The following GRHL1 variants were observed in gnomAD, a reference collection of about 807,000 sequenced individuals.
GRHL1 encodes grainyhead-like protein 1 homolog.
GRHL1 carries 38 observed loss-of-function variants against 75.7 expected under a neutral mutation model. That is an observed-to-expected ratio of 0.50 (90% CI 0.39 to 0.66). GRHL1 has a LOEUF of 0.66. Among genes scored for constraint, GRHL1 ranks in the 30% least tolerant of loss-of-function variants. The pLI is 0.00. For missense variants in GRHL1, 589 were observed against 767.5 expected (o/e 0.77, Z 2.75); for synonymous variants, 266 against 279.4 (o/e 0.95, Z 0.48).
At chr2:9,976,701 G>T (rs1397365325) in intron 8 of GRHL1, among the ~76,000 whole-genome samples, 1 of 152,190 alleles carries the variant, frequency 6.6e-6, no homozygotes, top group Non-Finnish European at 1.5e-5. Flanking sequence ...GGCCACATGA[G>T]GTCTTGGGGT....
intron 8 of GRHL1, 37 bp downstream of exon 8, chr2:9,965,418 T>C (rs529271384): frequency 2.7e-5 from 29 of 1,076,348 alleles, no homozygotes; most frequent in Non-Finnish European, 3.6e-5. Context: ...TGTCCAGCCA[T>C]TTGAGAAATG....
chr2:9,970,953 T>C (rs1163615453), intron 8 of GRHL1, among the ~76,000 whole-genome samples: 12 of 152,168 alleles, frequency 7.9e-5, no homozygotes, highest in Admixed American at 7.9e-4. Context: ...GGTATCTCTC[T>C]GTTTTGTCTC....
At chr2:9,997,921 A>G (rs569489545) in intron 14 of GRHL1, among the ~76,000 whole-genome samples, 6 of 152,182 alleles carry the variant, frequency 3.9e-5, no homozygotes, top group Non-Finnish European at 8.8e-5. Context: ...GGGCCAGCAT[A>G]ACTGTTCATG....
intron 3 of GRHL1, chr2:9,959,536 G>A (rs1234678834): frequency 6.6e-6 from 1 of 152,136 alleles, no homozygotes; most frequent in Non-Finnish European, 1.5e-5. Flanking sequence ...CTTCTACTTA[G>A]TTTGTTTCAT....
Position 9,968,399 on chromosome 2 carries a change from G to T in GRHL1, c.1110+3018G>T, listed in dbSNP as rs1667575787. On this transcript the variant is annotated intron_variant, in intron 8 of 15. Transcript: ENST00000324907. The surrounding 1 kb of genome is among the most constrained non-coding windows in gnomAD (Gnocchi z 4.7). ...AGGCCCTTAGTGGGATTTGTCTGCT[G>T]TGTAGACGTATTTCATTCCTTTTAT... Among the ~76,000 whole-genome samples the T allele has an allele frequency of 6.6e-6, 1 of 152,212 alleles. No homozygotes were observed. The highest frequency in any genetic ancestry group is 1.5e-5 in the Non-Finnish European group (1 of 68,034).
chr2:9,960,832 C>T (rs1667239145), intron 3 of GRHL1: 2 of 516,466 alleles, frequency 3.9e-6, no homozygotes, highest in Non-Finnish European at 6.8e-6. Context: ...CTTAGTATTT[C>T]GAATGAAATT....
At position 9,992,070 on chromosome 2, in the gene GRHL1, C is replaced by T. The variant is rs150275190; in HGVS notation, c.1385C>T (p.Pro462Leu). Residue 462 changes from proline (P) to leucine (L), a missense_variant, in exon 11 of 16, where the codon CCC becomes CTC. Pro to Leu is a moderately conservative substitution (Grantham distance 98, BLOSUM62 -3). Around this residue, in one of 5 missense-constraint regions of GRHL1, gnomAD observed 192 missense variants for 226.6 expected, o/e 0.85. Coordinates refer to ENST00000324907, the MANE Select transcript of GRHL1 (RefSeq NM_198182.3). This position sits in a 1 kb window ranked among gnomAD's most constrained non-coding sequence, Gnocchi z 4.6. ...CGAATGGATATCACAGTTTTCAAAC[C>T]CTTCATTGATCTCGATACTCAGCCT... ...HKRMDITVFK[P>L]FIDLDTQPVL... 3.1e-6 allele frequency: 5 copies of T among 1,613,302 alleles called. No individual in the cohort carries two copies. Among genetic ancestry groups the T allele is most frequent in the East Asian group, 4.5e-5 (2 of 44,886 alleles).
intron 8 of GRHL1, among the ~76,000 whole-genome samples, chr2:9,979,151 CAAA>C (rs1227015836): frequency 2.0e-4 from 12 of 60,368 alleles, no homozygotes; most frequent in East Asian, 5.4e-4. Context: ...GACTCTCTCT[CAAA>C]AAAAAAAAAA....
intron 10 of GRHL1, among the ~76,000 whole-genome samples, chr2:9,991,113 G>A (rs1375423515): frequency 6.6e-6 from 1 of 152,158 alleles, no homozygotes; most frequent in Non-Finnish European, 1.5e-5. Context: ...ATGGTCTTGA[G>A]AATTCAAGAT....
intron 1 of GRHL1, among the ~76,000 whole-genome samples, chr2:9,952,093 G>A (rs1270689293): frequency 1.4e-5 from 2 of 140,880 alleles, no homozygotes; most frequent in East Asian, 2.0e-4. Context: ...ACACCGGAGG[G>A]GCCACCCTCC....
intron 8 of GRHL1, among the ~76,000 whole-genome samples, chr2:9,976,722 C>G (rs1667962283): frequency 6.6e-6 from 1 of 152,126 alleles, no homozygotes; most frequent in Non-Finnish European, 1.5e-5. Context: ...GCTGGGTGAT[C>G]AGACGTTTTG....
At chr2:9,998,493 TATATATACATATATATAC>T (rs1558319716) in intron 14 of GRHL1, among the ~76,000 whole-genome samples, 498 of 21,658 alleles carry the variant, frequency 0.023, 171 homozygotes, top group Admixed American at 0.03. Flanking sequence ...TATATATACG[TATATATACATATATATAC>T]GTATATATAT....
rs984618136 is a variant in GRHL1, at chr2:9,992,951, A to C, written c.1462-256A>C. On this transcript the variant is annotated intron_variant, in intron 11 of 15. Coordinates refer to ENST00000324907, the MANE Select transcript of GRHL1 (RefSeq NM_198182.3). This position sits in a 1 kb window ranked among gnomAD's most constrained non-coding sequence, Gnocchi z 4.6. ...AACTAGTGCACACATGGCCATAAGC[A>C]GCATGTGAATGAATGAGCGTGGCTT... Among the ~76,000 whole-genome samples, 4 of 152,254 alleles carry C rather than the reference A, an allele frequency of 2.6e-5. No individual in the cohort carries two copies. The highest frequency in any genetic ancestry group is 5.9e-5 in the Non-Finnish European group (4 of 68,050).
intron 9 of GRHL1, 128 bp downstream of exon 9, chr2:9,986,410 T>TTTTA (rs973273667): frequency 1.3e-4 from 57 of 452,718 alleles, no homozygotes; most frequent in Admixed American, 3.9e-4. Context: ...TTAAAATTAT[T>TTTTA]TTTATTTATT....
intron 8 of GRHL1, 32 bp downstream of exon 8, chr2:9,965,413 A>G: frequency 8.6e-7 from 1 of 1,158,164 alleles, no homozygotes; most frequent in Non-Finnish European, 1.3e-6. Flanking sequence ...CCTTATGTCC[A>G]GCCATTTGAG....
chr2:9,964,965 C>T, intron 7 of GRHL1: 1 of 252,052 alleles, frequency 4.0e-6, no homozygotes, highest in Non-Finnish European at 7.5e-6. Context: ...GTTTCCTTTT[C>T]AGGAGAATGA....
At chr2:9,971,784 C>G (rs1667736438) in intron 8 of GRHL1, among the ~76,000 whole-genome samples, 1 of 152,108 alleles carries the variant, frequency 6.6e-6, no homozygotes, top group Non-Finnish European at 1.5e-5. Flanking sequence ...GTAGAGAATG[C>G]CTTTAATTAG....
chr2:9,997,563 T>C (rs1213428197), intron 14 of GRHL1, among the ~76,000 whole-genome samples: 1 of 152,154 alleles, frequency 6.6e-6, no homozygotes, highest in Non-Finnish European at 1.5e-5. Flanking sequence ...GGCTCACACC[T>C]GTAATCCCAG....
intron 14 of GRHL1, among the ~76,000 whole-genome samples, chr2:9,997,524 A>C (rs1668919724): frequency 1.3e-5 from 2 of 152,042 alleles, no homozygotes; most frequent in Admixed American, 6.6e-5. Context: ...ATCATGTCTT[A>C]AGAATCATGC....
Sources: gnomAD v4.1 joint callset for allele counts (sites outside exome capture counted in the v4.1 genomes callset) on GRCh38, gnomAD v4.1.1 for gene constraint, gnomAD v4.1.1 regional missense constraint, Gnocchi (gnomAD v3.1) non-coding constraint, MANE v1.5 for transcripts, NCBI Gene and HGNC (gene_info 2026-07-23, HGNC 2026-07-21) for gene names.